Variants in COL6A3 observed in about 807,000 individuals in gnomAD.
The protein encoded by COL6A3 is collagen type VI alpha 3 chain.
A neutral mutation model predicts 274.1 loss-of-function variants in COL6A3; 137 were observed. That is an observed-to-expected ratio of 0.50 (90% CI 0.44 to 0.58). COL6A3 has a LOEUF of 0.58. Among genes scored for constraint, COL6A3 ranks in the 20% least tolerant of loss-of-function variants. COL6A3 has a pLI of 0.00. For missense variants in COL6A3, 3,950 were observed against 4,124.9 expected (o/e 0.96, Z 1.16); for synonymous variants, 1,650 against 1,650.6 (o/e 1.00, Z 0.01).
chr2:237,396,305 T>C (rs1157630944), intron 2 of COL6A3, among the ~76,000 whole-genome samples: 1 of 152,232 alleles, frequency 6.6e-6, no homozygotes, highest in African/African-American at 2.4e-5. Flanking sequence ...CATCTGGAGT[T>C]AGAGAGAGAG....
chr2:237,381,193 G>C lies in COL6A3; in HGVS notation c.1619C>G (p.Ser540Ter), dbSNP rs1231105406. 6.2e-7 allele frequency: 1 copy of C among 1,614,274 alleles called. No homozygotes were observed. The highest frequency in any genetic ancestry group is 1.6e-4 in the Middle Eastern group (1 of 6,062). The stretch of plus-strand genomic sequence containing the variant: ...CCCCTCGGCAGCCCGGTAGCCGGCT[G>C]AACTCGTGAATAGGTTGTTACGAAC... ...DFVRNNLFTS[S>*]AGYRAAEGIP... Residue 540 changes from serine (S) to a stop codon, truncating the protein, a stop_gained, in exon 5 of 44, where the codon TCA (serine) becomes TGA (stop). Coordinates refer to ENST00000295550, the MANE Select transcript of COL6A3 (RefSeq NM_004369.4). LOFTEE classifies it high-confidence loss of function.
At chr2:237,412,931 C>G (rs989035789) in intron 1 of COL6A3, among the ~76,000 whole-genome samples, 2 of 152,132 alleles carry the variant, frequency 1.3e-5, no homozygotes, top group Admixed American at 6.5e-5. Context: ...GCACCGGCCT[C>G]GAAACTGGCT....
chr2:237,356,607 T>C (rs1457160897), intron 23 of COL6A3, among the ~76,000 whole-genome samples: 1 of 152,182 alleles, frequency 6.6e-6, no homozygotes, highest in African/African-American at 2.4e-5. Context: ...CTTGCAGCCT[T>C]TGTGCTCTGT....
At chr2:237,350,630 G>C (rs1199473914) in intron 27 of COL6A3, among the ~76,000 whole-genome samples, 2 of 152,224 alleles carry the variant, frequency 1.3e-5, no homozygotes, top group African/African-American at 4.8e-5. Context: ...CTGATAGAAA[G>C]GAGGTTCTCA....
At chr2:237,372,463 A>T (rs2077718705) in intron 8 of COL6A3, 126 bp from the exon 9 acceptor site, 2 of 1,563,568 alleles carry the variant, frequency 1.3e-6, no homozygotes, top group Non-Finnish European at 1.7e-6. Context: ...CACTGTTAAA[A>T]GTCCAAGAAG....
rs751985296 is a variant in COL6A3, at chr2:237,371,788, G to A, written c.4229C>T (p.Thr1410Ile). The A allele has an allele frequency of 6.2e-7, 1 of 1,613,892 alleles. No individual in the cohort carries two copies. The highest frequency in any genetic ancestry group is 1.1e-5 in the South Asian group (1 of 91,074). The stretch of plus-strand genomic sequence containing the variant: ...CTTCTGGATCTGCTCTGAGGTCAGG[G>A]TCGTGATGGGCGTCAGCAGTTTCTG... ...LEQKLLTPIT[T>I]LTSEQIQKLL... The change falls in exon 9 of 44, where the codon ACC becomes ATC. Residue 1410 changes from threonine to isoleucine, a missense_variant. By Grantham distance (89) the Thr-to-Ile change is moderately conservative. Transcript: ENST00000295550. This position sits in a 1 kb window ranked among gnomAD's most constrained non-coding sequence, Gnocchi z 4.3.
intron 33 of COL6A3, 35 bp downstream of exon 33, chr2:237,345,146 A>T (rs1338843572): frequency 2.5e-6 from 4 of 1,614,192 alleles, no homozygotes; most frequent in Non-Finnish European, 1.7e-6. Flanking sequence ...AAGGCTCATG[A>T]GGTTAATGAG....
Position 237,375,001 on chromosome 2 carries a change from C to G in COL6A3, c.3090G>C (p.Val1030=), listed in dbSNP as rs759105022. The G allele has an allele frequency of 6.2e-7, 1 of 1,613,758 alleles. No homozygotes were observed. The highest frequency in any genetic ancestry group is 1.3e-5 in the African/African-American group (1 of 74,882). Residue 1030 remains valine, a synonymous_variant, in exon 8 of 44, where the codon GTG becomes GTC. Coordinates refer to ENST00000295550, the MANE Select transcript of COL6A3 (RefSeq NM_004369.4). ...CCTCAGAGCCATCAAGCAGAAACAC[C>G]ACGTCCTTTTCACCTGAAACTGGGA... ...APAPVSGEKD[V]VFLLDGSEGV...
Position 237,355,108 on chromosome 2 carries a change from C to T in COL6A3, c.6592-174G>A, listed in dbSNP as rs184110589. On this transcript the variant is annotated intron_variant, in intron 23 of 43. Transcript: ENST00000295550. ...ACACCTCATCAGCCCTGGGGAAACT[C>T]GCACACACAGACACCCTTCCTCCAC... 170 of 609,188 alleles carry T rather than the reference C, an allele frequency of 2.8e-4. 1 individual carries two copies. In the African/African-American group the frequency reaches 2.8e-3, roughly 10 times the overall value. 37.7% of individuals were successfully genotyped at this position (609,188 alleles called of 1,614,324 possible). A position where few individuals can be genotyped will look rare whatever the true frequency, so the allele number is the denominator to read the frequency against.
Position 237,334,657 on chromosome 2 carries a change from G to A in COL6A3, c.9198C>T (p.Val3066=), listed in dbSNP as rs765101399. The A allele has an allele frequency of 7.1e-5, 114 of 1,613,456 alleles. No homozygotes were observed. The highest frequency in any genetic ancestry group is 9.2e-5 in the Non-Finnish European group (108 of 1,180,010). Residue 3066 remains valine, a synonymous_variant, in exon 41 of 44, where the codon GTC becomes GTT. Coordinates refer to ENST00000295550, the MANE Select transcript of COL6A3 (RefSeq NM_004369.4). ...VAVVCYLRSQ[V]RATYHGSFST... ...TGAAACTTCCGTGGTAGGTGGCTCT[G>A]ACCTGAGACCTCAGGTAGCAGACCA...
chr2:237,363,226 G>T (rs757403185), intron 14 of COL6A3, 27 bp downstream of exon 14: 1 of 1,608,708 alleles, frequency 6.2e-7, no homozygotes, highest in Non-Finnish European at 8.5e-7. Flanking sequence ...ACACTGGTCT[G>T]TGTATAAAGA....
intron 42 of COL6A3, among the ~76,000 whole-genome samples, chr2:237,331,900 T>A (rs1420836722): frequency 6.7e-6 from 1 of 150,284 alleles, no homozygotes; most frequent in Non-Finnish European, 1.5e-5. Context: ...TTTAGATTCA[T>A]CTGTATCAAC....
At chr2:237,401,379 C>T (rs150344186) in intron 1 of COL6A3, among the ~76,000 whole-genome samples, 4 of 151,272 alleles carry the variant, frequency 2.6e-5, no homozygotes, top group Non-Finnish European at 4.4e-5. Context: ...GAAATTAATT[C>T]ATTTCAACAG....
chr2:237,358,733 T>C (rs1458099526), intron 20 of COL6A3, 150 bp from the exon 21 acceptor site: 2 of 808,652 alleles, frequency 2.5e-6, no homozygotes, highest in Non-Finnish European at 4.2e-6. Flanking sequence ...TTCCACATAT[T>C]TTTCATTCGT....
chr2:237,364,217 G>A lies in COL6A3; in HGVS notation c.5917+133C>T. On this transcript the variant is annotated intron_variant, in intron 13 of 43. Transcript: ENST00000295550. The surrounding 1 kb of genome is among the most constrained non-coding windows in gnomAD (Gnocchi z 4.6). ...GCAGGTGATGAAGGGCCACAACGCTGGGAGGAAGAGTCTCCCAAGACAACG... is the reference window on the plus strand; with the variant it reads ...GCAGGTGATGAAGGGCCACAACGCTAGGAGGAAGAGTCTCCCAAGACAACG... The A allele has an allele frequency of 2.7e-6, 2 of 751,960 alleles. No homozygotes were observed. The highest frequency in any genetic ancestry group is 2.3e-6 in the Non-Finnish European group (1 of 426,166). 46.6% of individuals were successfully genotyped at this position (751,960 alleles called of 1,614,324 possible).
chr2:237,351,187 G>A lies in COL6A3; in HGVS notation c.6759C>T (p.Ser2253=), dbSNP rs375134458. Residue 2253 remains serine, a synonymous_variant, in exon 27 of 44, where the codon AGC becomes AGT. Transcript: ENST00000295550. ...GEQGISGPRG[S]GGAAGAPGER... ...CTCCAGGAGCACCAGCGGCACCTCCGCTTCCCTGGAGCAGGAGGGGAGGAA... is the reference window on the plus strand; with the variant it reads ...CTCCAGGAGCACCAGCGGCACCTCCACTTCCCTGGAGCAGGAGGGGAGGAA... 14 of 1,613,970 alleles carry A rather than the reference G, an allele frequency of 8.7e-6. No individual in the cohort carries two copies. Among genetic ancestry groups the A allele is most frequent in the African/African-American group, 4.0e-5 (3 of 74,928 alleles).
chr2:237,361,935 G>T lies in COL6A3; in HGVS notation c.6064-104C>A. ...AAAATCGGATGTGTGGGGGTTTCAC[G>T]GTGTGAGATGAAGTCCCTCCAGGTG... is the stretch of plus-strand genomic sequence containing the variant. On this transcript the variant is annotated intron_variant, in intron 14 of 43. Transcript: ENST00000295550. The surrounding 1 kb of genome is among the most constrained non-coding windows in gnomAD (Gnocchi z 5.1). 1 of 985,024 alleles carries T rather than the reference G, an allele frequency of 1.0e-6. No individual in the cohort carries two copies. The allele number at this position is 985,024 out of a possible 1,614,324, so 61.0% of individuals were successfully genotyped here. A position where few individuals can be genotyped will look rare whatever the true frequency, so the allele number is the denominator to read the frequency against.
At chr2:237,373,705 C>CG (rs2077754203) in intron 8 of COL6A3, among the ~76,000 whole-genome samples, 1 of 140,772 alleles carries the variant, frequency 7.1e-6, no homozygotes, top group Non-Finnish European at 1.5e-5. Context: ...CACTGTGAAC[C>CG]CCCCCCACCC....
At chr2:237,341,556 A>C (rs1237648970) in intron 37 of COL6A3, among the ~76,000 whole-genome samples, 4 of 151,234 alleles carry the variant, frequency 2.6e-5, no homozygotes, top group African/African-American at 7.3e-5. Flanking sequence ...AAAAAAAAAA[A>C]AAAAAAAAAA....
Sources: allele counts gnomAD v4.1 joint callset (sites outside exome capture counted in the v4.1 genomes callset), GRCh38; gene constraint gnomAD v4.1.1; non-coding constraint Gnocchi (gnomAD v3.1); transcripts MANE v1.5; gene names NCBI Gene and HGNC (gene_info 2026-07-23, HGNC 2026-07-21).